Variants in OVAAL observed in about 807,000 individuals in gnomAD.
The protein encoded by OVAAL is ovarian adenocarcinoma amplified long non-coding RNA.
At chr1:180,566,314 G>A (rs1653287076) in exon 3 of OVAAL, 1 of 152,166 alleles carries the variant, frequency 6.6e-6, no homozygotes, top group Non-Finnish European at 1.5e-5. Context: ...TTTTTTAGAG[G>A]CGTAATAGGA....
At position 180,564,485 on chromosome 1, in the gene OVAAL, A is replaced by G. The variant is rs570413625; in HGVS notation, n.514-766A>G. Reference sequence around the variant, plus strand: ...AAACTACTGTGTTGTATTCAATTCTATCATCCTGCTTATGATGTAAGTCTT... The same window carrying G: ...AAACTACTGTGTTGTATTCAATTCTGTCATCCTGCTTATGATGTAAGTCTT... On this transcript the variant is annotated intron_variant and non_coding_transcript_variant, in intron 2 of 2. Transcript: ENST00000673955. Among the ~76,000 whole-genome samples, 6 of 152,210 alleles carry G rather than the reference A, an allele frequency of 3.9e-5. No homozygotes were observed. In the South Asian group the frequency reaches 8.3e-4, roughly 21 times the overall value.
intron 1 of OVAAL, among the ~76,000 whole-genome samples, chr1:180,561,500 C>T (rs931199889): frequency 2.0e-5 from 3 of 151,886 alleles, no homozygotes; most frequent in Admixed American, 6.5e-5. Flanking sequence ...CTCTCAGCAT[C>T]GGGTTATCTG....
At chr1:180,561,348 G>T (rs1475602634) in intron 1 of OVAAL, among the ~76,000 whole-genome samples, 1 of 152,208 alleles carries the variant, frequency 6.6e-6, no homozygotes, top group Non-Finnish European at 1.5e-5. Context: ...TGACCACAGA[G>T]GATGCAGTGG....
At chr1:180,560,320 T>C (rs1653176979) in intron 1 of OVAAL, among the ~76,000 whole-genome samples, 1 of 152,094 alleles carries the variant, frequency 6.6e-6, no homozygotes, top group Non-Finnish European at 1.5e-5. Flanking sequence ...AAGCACTCGA[T>C]ATAAGAACTG....
chr1:180,561,228 G>A (rs1353357706), intron 1 of OVAAL, among the ~76,000 whole-genome samples: 2 of 152,180 alleles, frequency 1.3e-5, no homozygotes, highest in African/African-American at 2.4e-5. Flanking sequence ...GAAGGCATTT[G>A]ACTGAAGGGT....
chr1:180,565,075 G>A (rs539382402), intron 2 of OVAAL, among the ~76,000 whole-genome samples: 9 of 152,208 alleles, frequency 5.9e-5, no homozygotes, highest in South Asian at 2.1e-4. Flanking sequence ...TTAAAATGGC[G>A]GCATGGATGG....
At chr1:180,562,023 CAAAA>C (rs111640712) in intron 1 of OVAAL, among the ~76,000 whole-genome samples, 1 of 122,588 alleles carries the variant, frequency 8.2e-6, no homozygotes. Flanking sequence ...AACTCCATCT[CAAAA>C]AAAAAAAAAA....
chr1:180,564,329 A>G (rs1362467544), intron 2 of OVAAL, among the ~76,000 whole-genome samples: 1 of 152,190 alleles, frequency 6.6e-6, no homozygotes, highest in Admixed American at 6.5e-5. Context: ...TGTCCTAAAT[A>G]TTTCATAAGA....
At chr1:180,561,718 A>AT (rs149304585) in intron 1 of OVAAL, among the ~76,000 whole-genome samples, 71 of 150,798 alleles carry the variant, frequency 4.7e-4, no homozygotes, top group African/African-American at 1.1e-3. Context: ...TTTTAATTTT[A>AT]TTTTTTTTTT....
exon 2 of OVAAL, chr1:180,562,314 A>AT (rs1653218593): frequency 6.6e-6 from 1 of 152,274 alleles, no homozygotes; most frequent in African/African-American, 2.4e-5. Flanking sequence ...TCTGAACAAG[A>AT]ACTGTGACTA....
chr1:180,561,124 T>C (rs1653193358), intron 1 of OVAAL, among the ~76,000 whole-genome samples: 1 of 152,200 alleles, frequency 6.6e-6, no homozygotes. Context: ...TGCTCTGCTC[T>C]TCCCTGGCAC....
intron 2 of OVAAL, among the ~76,000 whole-genome samples, chr1:180,563,614 G>A (rs1653244155): frequency 1.3e-5 from 2 of 152,172 alleles, no homozygotes; most frequent in African/African-American, 4.8e-5. Context: ...TTCTTTCGTT[G>A]AGGGTGGTTT....
intron 1 of OVAAL, among the ~76,000 whole-genome samples, chr1:180,561,512 C>A (rs908339176): frequency 6.6e-6 from 1 of 152,016 alleles, no homozygotes; most frequent in South Asian, 2.1e-4. Flanking sequence ...GGTTATCTGG[C>A]AGCTCAGAGC....
chr1:180,565,383 C>T (rs1022458753), exon 3 of OVAAL: 3 of 152,310 alleles, frequency 2.0e-5, no homozygotes, highest in African/African-American at 4.8e-5. Flanking sequence ...GGAGTCCAAG[C>T]CCCAGACATT....
At chr1:180,560,396 T>A (rs1354981833) in intron 1 of OVAAL, among the ~76,000 whole-genome samples, 1 of 152,166 alleles carries the variant, frequency 6.6e-6, no homozygotes, top group Non-Finnish European at 1.5e-5. Context: ...AGTTAGAATC[T>A]ACAGGAATGC....
chr1:180,561,861 A>T (rs1484435220), intron 1 of OVAAL, among the ~76,000 whole-genome samples: 4 of 151,996 alleles, frequency 2.6e-5, no homozygotes, highest in African/African-American at 9.7e-5. Context: ...TATCTCTACT[A>T]ATAATACAAA....
At chr1:180,562,736 C>A (rs72720953) in intron 2 of OVAAL, among the ~76,000 whole-genome samples, 6,723 of 152,220 alleles carry the variant, frequency 0.044, 233 homozygotes, top group South Asian at 0.076. Context: ...GAGAGGAAGG[C>A]TGGACAAATA....
intron 1 of OVAAL, among the ~76,000 whole-genome samples, chr1:180,561,780 TGGGAGG>T (rs1374966823): frequency 6.6e-6 from 1 of 152,152 alleles, no homozygotes; most frequent in Non-Finnish European, 1.5e-5. Context: ...CCTAGCACTT[TGGGAGG>T]CAGAGGCTGG....
At chr1:180,561,285 T>C (rs558007363) in intron 1 of OVAAL, among the ~76,000 whole-genome samples, 1 of 152,302 alleles carries the variant, frequency 6.6e-6, no homozygotes, top group African/African-American at 2.4e-5. Context: ...AGATACTTAG[T>C]GGCAGCCCCA....
Sources: gnomAD v4.1 joint callset for allele counts (sites outside exome capture counted in the v4.1 genomes callset) on GRCh38, gnomAD v4.1.1 for gene constraint, MANE v1.5 for transcripts, NCBI Gene and HGNC (gene_info 2026-07-23, HGNC 2026-07-21) for gene names.